Variants in ZSCAN32 observed in about 807,000 individuals in gnomAD.
The protein encoded by ZSCAN32 is zinc finger and SCAN domain-containing protein 32.
ZSCAN32 carries 52 observed loss-of-function variants against 47.4 expected under a neutral mutation model. The ratio of observed to expected loss-of-function variants is 1.10; its 90% CI spans 0.88 to 1.38. The LOEUF is 1.38. Ranked by LOEUF, ZSCAN32 falls within the 40% of genes most tolerant of loss-of-function variation. ZSCAN32 has a pLI of 0.00. For synonymous variants in ZSCAN32, 346 were observed against 305.7 expected (o/e 1.13, Z -1.38); for missense variants, 959 against 846.0 (o/e 1.13, Z -1.66).
intron 6 of ZSCAN32, 62 bp from the exon 7 acceptor site, chr16:3,383,773 A>C (rs928206228): frequency 6.7e-7 from 1 of 1,495,550 alleles, no homozygotes; most frequent in Non-Finnish European, 8.9e-7. Context: ...AATGGAATGC[A>C]AAGTTATAAC....
At chr16:3,393,873 C>A (rs2033109625) in intron 2 of ZSCAN32, 59 bp from the exon 3 acceptor site, 3 of 1,398,844 alleles carry the variant, frequency 2.1e-6, no homozygotes, top group Non-Finnish European at 2.9e-6. Flanking sequence ...GACTTTACAA[C>A]TCCTAAGAGT....
Position 3,397,659 on chromosome 16 carries a change from G to T in ZSCAN32, c.-102C>A. ...GAAGCCATGTTCTCCTGCAAGGAAT[G>T]TCTTTCTGTAATCCGTGGGACATGA... is the stretch of plus-strand genomic sequence containing the variant. On this transcript the variant is annotated 5_prime_UTR_variant, in exon 2 of 7. Coordinates refer to ENST00000396852, the MANE Select transcript of ZSCAN32 (RefSeq NM_001284527.2). 7.2e-7 allele frequency: 1 copy of T among 1,398,086 alleles called. No homozygotes were observed. Among genetic ancestry groups the T allele is most frequent in the African/African-American group, 1.4e-5 (1 of 69,022 alleles). The allele number at this position is 1,398,086 out of a possible 1,614,324, so 86.6% of individuals were successfully genotyped here. A position where few individuals can be genotyped will look rare whatever the true frequency, so the allele number is the denominator to read the frequency against.
chr16:3,395,689 C>T (rs2033306569), intron 2 of ZSCAN32, among the ~76,000 whole-genome samples: 1 of 152,194 alleles, frequency 6.6e-6, no homozygotes, highest in South Asian at 2.1e-4. Flanking sequence ...TACACTCCTG[C>T]ACTGTTTTCT....
chr16:3,384,403 T>C (rs978888629), intron 6 of ZSCAN32, 56 bp downstream of exon 6: 1 of 1,603,778 alleles, frequency 6.2e-7, no homozygotes, highest in Non-Finnish European at 8.5e-7. Context: ...GCTAGGCTAA[T>C]GGCCTCTAAA....
Position 3,384,583 on chromosome 16 carries a change from A to G in ZSCAN32, c.1110T>C (p.Asn370=). 1.2e-6 allele frequency: 2 copies of G among 1,614,130 alleles called. No homozygotes were observed. Among genetic ancestry groups the G allele is most frequent in the Non-Finnish European group, 1.7e-6 (2 of 1,180,028 alleles). The stretch of plus-strand genomic sequence containing the variant: ...CATCTTCTACCTCCGTGGGTTCCCC[A>G]TTCTGGTGATTCAGCTCTCCAGCCT... ...DIEAGELNHQ[N]GEPTEVEDGT... is the part of the protein sequence containing the mutation. Residue 370 remains asparagine (N), a synonymous_variant, in exon 6 of 7, where the codon AAT becomes AAC. Coordinates refer to ENST00000396852, the MANE Select transcript of ZSCAN32 (RefSeq NM_001284527.2).
At position 3,391,506 on chromosome 16, in the gene ZSCAN32, T is replaced by C. The variant is rs532829115; in HGVS notation, c.533-989A>G. 4.1e-3 allele frequency among the ~76,000 whole-genome samples: 610 copies of C among 150,478 alleles called. 2 individuals are homozygous for C. Among genetic ancestry groups the C allele is most frequent in the African/African-American group, 0.014 (570 of 40,902 alleles). On this transcript the variant is annotated intron_variant, in intron 3 of 6. Transcript: ENST00000396852. ...CAGCCTGCCCAACATGGCGAAACCC[T>C]GTCTCTACTAAAAATACAAAAAATT...
At chr16:3,398,884 C>T (rs1251613331) in intron 1 of ZSCAN32, among the ~76,000 whole-genome samples, 5 of 152,168 alleles carry the variant, frequency 3.3e-5, no homozygotes. Context: ...TATTTTCCAG[C>T]ATTCCTTTCC....
At chr16:3,396,071 CAG>C (rs1255786843) in intron 2 of ZSCAN32, among the ~76,000 whole-genome samples, 2 of 152,166 alleles carry the variant, frequency 1.3e-5, no homozygotes, top group African/African-American at 4.8e-5. Flanking sequence ...GACCATCAAA[CAG>C]AGTGATGGAA....
At chr16:3,390,990 A>G (rs1477987126) in intron 3 of ZSCAN32, among the ~76,000 whole-genome samples, 1 of 152,236 alleles carries the variant, frequency 6.6e-6, no homozygotes, top group Non-Finnish European at 1.5e-5. Flanking sequence ...TCACACCAAG[A>G]TAATACATTT....
chr16:3,397,458 C>CGGA lies in ZSCAN32; in HGVS notation c.97_99dup (p.Ser33dup). 6.4e-7 allele frequency: 1 copy of CGGA among 1,550,798 alleles called. No homozygotes were observed. Among genetic ancestry groups the CGGA allele is most frequent in the East Asian group, 2.4e-5 (1 of 40,938 alleles). ...TGCCTGAAGCGCTGACGGGAGGCCT[C>CGGA]GGAGTCAGGGCTGTTACCCTGGAGG... On this transcript the variant is annotated inframe_insertion, in exon 2 of 7. Transcript: ENST00000396852.
At chr16:3,396,021 T>A (rs572985497) in intron 2 of ZSCAN32, among the ~76,000 whole-genome samples, 2 of 152,120 alleles carry the variant, frequency 1.3e-5, no homozygotes, top group African/African-American at 4.8e-5. Context: ...AAAATAAACA[T>A]AAGTGTGATT....
chr16:3,397,661 C>T lies in ZSCAN32; in HGVS notation c.-104G>A. 1 of 1,395,422 alleles carries T rather than the reference C, an allele frequency of 7.2e-7. No individual in the cohort carries two copies. The highest frequency in any genetic ancestry group is 9.4e-7 in the Non-Finnish European group (1 of 1,058,936). The allele number at this position is 1,395,422 out of a possible 1,614,324, so 86.4% of individuals were successfully genotyped here. A position where few individuals can be genotyped will look rare whatever the true frequency, so the allele number is the denominator to read the frequency against. ...AGCCATGTTCTCCTGCAAGGAATGT[C>T]TTTCTGTAATCCGTGGGACATGAGA... On this transcript the variant is annotated 5_prime_UTR_variant, in exon 2 of 7. Transcript: ENST00000396852.
chr16:3,388,220 A>T (rs2032240552), intron 5 of ZSCAN32, among the ~76,000 whole-genome samples: 1 of 152,142 alleles, frequency 6.6e-6, no homozygotes, highest in Non-Finnish European at 1.5e-5. Flanking sequence ...CTCATTACTC[A>T]TGGGTGTACT....
intron 4 of ZSCAN32, 136 bp downstream of exon 4, chr16:3,390,287 G>A (rs1409329327): frequency 4.4e-6 from 6 of 1,361,448 alleles, no homozygotes; most frequent in African/African-American, 2.9e-5. Flanking sequence ...ATGTGATGAT[G>A]TCAGAGTGGA....
intron 2 of ZSCAN32, among the ~76,000 whole-genome samples, chr16:3,395,652 TTAGGTTTCAAA>T (rs2033302417): frequency 6.6e-6 from 1 of 152,206 alleles, no homozygotes; most frequent in Non-Finnish European, 1.5e-5. Flanking sequence ...GACTAATAAA[TTAGGTTTCAAA>T]TAGGTGTTTA....
intron 5 of ZSCAN32, 76 bp from the exon 6 acceptor site, chr16:3,385,017 T>C (rs2031783804): frequency 2.0e-6 from 3 of 1,511,068 alleles, no homozygotes; most frequent in Non-Finnish European, 8.8e-7. Context: ...GTGTGCAGTT[T>C]TGGCAGCTTA....
intron 2 of ZSCAN32, among the ~76,000 whole-genome samples, chr16:3,394,357 A>C (rs1178529281): frequency 6.6e-6 from 1 of 152,206 alleles, no homozygotes; most frequent in African/African-American, 2.4e-5. Flanking sequence ...TTAAAAACTG[A>C]AATATATTTG....
chr16:3,382,464 A>T lies in ZSCAN32; in HGVS notation c.*388T>A, dbSNP rs1016984653. 2 of 162,264 alleles carry T rather than the reference A, an allele frequency of 1.2e-5. No homozygotes were observed. The highest frequency in any genetic ancestry group is 2.4e-5 in the African/African-American group (1 of 41,732). The allele number at this position is 162,264 out of a possible 1,614,324, so 10.1% of individuals were successfully genotyped here. On this transcript the variant is annotated 3_prime_UTR_variant, in exon 7 of 7. Coordinates refer to ENST00000396852, the MANE Select transcript of ZSCAN32 (RefSeq NM_001284527.2). ...GGTTTAGAAGAGATTCAGGCCCTTA[A>T]CTTTTACATGTGCTTTCCAGGAAAG...
At chr16:3,392,807 C>G (rs1012785674) in intron 3 of ZSCAN32, among the ~76,000 whole-genome samples, 1 of 151,736 alleles carries the variant, frequency 6.6e-6, no homozygotes, top group African/African-American at 2.4e-5. Context: ...GCCTGGGCGA[C>G]AGAGCAAGAC....
Sources: allele counts gnomAD v4.1 joint callset (sites outside exome capture counted in the v4.1 genomes callset), GRCh38; gene constraint gnomAD v4.1.1; transcripts MANE v1.5; gene names NCBI Gene and HGNC (gene_info 2026-07-23, HGNC 2026-07-21).